The following ABCC11 variants were observed in gnomAD, a reference collection of about 807,000 sequenced individuals.
ABCC11 encodes ATP binding cassette subfamily C member 11.
In ABCC11, 135 loss-of-function variants were observed where a neutral mutation model predicts 149.3. The observed-to-expected ratio is 0.90, with a 90% CI of 0.79 to 1.04. The LOEUF is 1.04. Ranked by LOEUF, ABCC11 falls within the 50% of genes least tolerant of loss-of-function variation. The pLI, the probability that ABCC11 is intolerant of heterozygous loss-of-function variation, is 0.00. For missense variants in ABCC11, 1,680 were observed against 1,722.1 expected, an observed-to-expected ratio of 0.98 and a Z score of 0.43; for synonymous variants, 665 against 671.4, an observed-to-expected ratio of 0.99 and a Z score of 0.15.
intron 5 of ABCC11, among the ~76,000 whole-genome samples, chr16:48,223,273 C>A (rs543515327): frequency 2.0e-5 from 3 of 152,156 alleles, no homozygotes; most frequent in African/African-American, 4.8e-5. Context: ...AGGGTCTGGA[C>A]AGGAGCTCTG....
At chr16:48,168,220 T>C (rs1208077558) in intron 28 of ABCC11, among the ~76,000 whole-genome samples, 1 of 149,182 alleles carries the variant, frequency 6.7e-6, no homozygotes, top group Non-Finnish European at 1.5e-5. Context: ...TACCCAGAGA[T>C]GACAAAAATC....
At chr16:48,213,346 C>T in intron 10 of ABCC11, 97 bp downstream of exon 10, 1 of 1,070,274 alleles carries the variant, frequency 9.3e-7, no homozygotes, top group Non-Finnish European at 1.4e-6. Flanking sequence ...TCGACCTAGG[C>T]CTTGGCCAGG....
intron 26 of ABCC11, among the ~76,000 whole-genome samples, chr16:48,171,596 A>T (rs1427472788): frequency 6.6e-6 from 1 of 152,268 alleles, no homozygotes; most frequent in Non-Finnish European, 1.5e-5. Context: ...TAACCACTTA[A>T]AAGTGTACAA....
chr16:48,185,095 T>C (rs539739066), intron 22 of ABCC11, among the ~76,000 whole-genome samples: 11 of 152,174 alleles, frequency 7.2e-5, no homozygotes, highest in Admixed American at 1.3e-4. Context: ...GGCAGAGCAG[T>C]AAAACCGAGA....
chr16:48,220,728 T>C (rs1444566300), intron 6 of ABCC11, among the ~76,000 whole-genome samples: 2 of 152,230 alleles, frequency 1.3e-5, no homozygotes, highest in South Asian at 2.1e-4. Context: ...ATAACCATAA[T>C]GATTCCAATA....
At position 48,222,542 on chromosome 16, in the gene ABCC11, T is replaced by G. The variant is rs936558407; in HGVS notation, c.777+56A>C. On this transcript the variant is annotated intron_variant, in intron 6 of 29. Coordinates refer to ENST00000356608, the MANE Select transcript of ABCC11 (RefSeq NM_001370497.1). ...CCTCTCTTGGCCCCCAGGGCAGTTA[T>G]GTCCGGAGGAAGGGTAGGGAAGCAT... is the stretch of plus-strand genomic sequence containing the variant. The G allele has an allele frequency of 2.7e-6, 4 of 1,473,132 alleles. No individual in the cohort carries two copies. The South Asian group carries it at 4.6e-5, about 17-fold the overall frequency. 91.3% of individuals were successfully genotyped at this position (1,473,132 alleles called of 1,614,324 possible).
chr16:48,244,379 G>A lies in ABCC11; in HGVS notation c.-19+2935C>T, dbSNP rs755534193. ...CTTTTTGACAGCCCCCAGTGCGAAAGGCTGCCAGCATGTCATCAGTGAGCC... is the reference window on the plus strand; with the variant it reads ...CTTTTTGACAGCCCCCAGTGCGAAAAGCTGCCAGCATGTCATCAGTGAGCC... On this transcript the variant is annotated intron_variant, in intron 1 of 29. Transcript: ENST00000356608. The A allele has an allele frequency of 5.2e-6, 8 of 1,530,460 alleles. No homozygotes were observed. The East Asian group carries it at 1.6e-4, about 30-fold the overall frequency. The allele number at this position is 1,530,460 out of a possible 1,614,324, so 94.8% of individuals were successfully genotyped here. A position where few individuals can be genotyped will look rare whatever the true frequency, so the allele number is the denominator to read the frequency against.
chr16:48,202,702 A>T (rs1052109404), intron 14 of ABCC11, among the ~76,000 whole-genome samples: 1 of 152,134 alleles, frequency 6.6e-6, no homozygotes, highest in Non-Finnish European at 1.5e-5. Context: ...AAGACACTAC[A>T]TTCAAGTCAC....
At chr16:48,217,265 T>G (rs889228303) in intron 6 of ABCC11, among the ~76,000 whole-genome samples, 3 of 152,128 alleles carry the variant, frequency 2.0e-5, no homozygotes, top group Admixed American at 6.5e-5. Flanking sequence ...TTTTTTCTTT[T>G]TTGTTATAGA....
chr16:48,243,529 A>G (rs1971125474), intron 1 of ABCC11, among the ~76,000 whole-genome samples: 1 of 152,210 alleles, frequency 6.6e-6, no homozygotes, highest in African/African-American at 2.4e-5. Context: ...GACCAGATCC[A>G]ATGAAGGACA....
intron 1 of ABCC11, chr16:48,244,742 C>T (rs997864985): frequency 1.9e-4 from 121 of 626,704 alleles, no homozygotes; most frequent in Middle Eastern, 9.4e-4. Flanking sequence ...CGGCTCGGTT[C>T]CGCCTCTCTG....
At chr16:48,239,039 A>G (rs1970829580) in intron 1 of ABCC11, among the ~76,000 whole-genome samples, 1 of 152,006 alleles carries the variant, frequency 6.6e-6, no homozygotes, top group Non-Finnish European at 1.5e-5. Context: ...GAGATGGAAC[A>G]GCTCTTTCTT....
intron 1 of ABCC11, among the ~76,000 whole-genome samples, chr16:48,242,509 C>A (rs1267033671): frequency 1.3e-5 from 2 of 152,196 alleles, no homozygotes; most frequent in African/African-American, 2.4e-5. Flanking sequence ...GGATCTGGAA[C>A]TAGAAATACC....
At position 48,200,721 on chromosome 16, in the gene ABCC11, G is replaced by A. The variant is rs1008847402; in HGVS notation, c.1879-242C>T. ...GTAGAATGATGGACACCAGAGGCTG[G>A]AAAGGATTTTTGGGGGTAGGGAAGG... On this transcript the variant is annotated intron_variant, in intron 14 of 29. Transcript: ENST00000356608. Among the ~76,000 whole-genome samples, 8 of 152,206 alleles carry A rather than the reference G, an allele frequency of 5.3e-5. 1 individual carries two copies. The highest frequency in any genetic ancestry group is 5.2e-4 in the Admixed American group (8 of 15,282).
At chr16:48,172,230 A>G (rs1175064999) in intron 26 of ABCC11, among the ~76,000 whole-genome samples, 1 of 152,036 alleles carries the variant, frequency 6.6e-6, no homozygotes, top group African/African-American at 2.4e-5. Flanking sequence ...ATAATATTCC[A>G]TTGTATGTAT....
chr16:48,216,114 C>T lies in ABCC11; in HGVS notation c.951G>A (p.Ala317=), dbSNP rs201663232. ...AATGGGTGACAGAGAAAGACATTAC[C>T]GCCAGTGGGAAAACCAGGAGATAGC... ...ILCYLLVFPL[A]VFMTRMAVKA... is the part of the protein sequence containing the mutation. The change falls in exon 7 of 30, where the codon GCG becomes GCA. Residue 317 remains alanine (A), a splice_region_variant and synonymous_variant. Coordinates refer to ENST00000356608, the MANE Select transcript of ABCC11 (RefSeq NM_001370497.1). 68 of 1,613,592 alleles carry T rather than the reference C, an allele frequency of 4.2e-5. No individual in the cohort carries two copies. The highest frequency in any genetic ancestry group is 1.1e-4 in the East Asian group (5 of 44,890).
chr16:48,215,008 T>C lies in ABCC11; in HGVS notation c.1121A>G (p.Lys374Arg), dbSNP rs1290186022. Residue 374 changes from lysine (K) to arginine (R), a missense_variant, in exon 9 of 30, where the codon AAA becomes AGA. Transcript: ENST00000356608. ...GACAAGCCCGCACTTCTCCAATAGT[T>C]TCCTTTCCTTCCTTCTTAGGTCTGG... ...IIEDLRRKER[K>R]LLEKCGLVQS... 1.2e-6 allele frequency: 2 copies of C among 1,613,954 alleles called. No individual in the cohort carries two copies. Among genetic ancestry groups the C allele is most frequent in the East Asian group, 4.5e-5 (2 of 44,886 alleles).
chr16:48,177,173 G>C (rs1166735646), intron 24 of ABCC11, 60 bp from the exon 25 acceptor site: 3 of 1,524,806 alleles, frequency 2.0e-6, no homozygotes, highest in Non-Finnish European at 2.7e-6. Context: ...CCCATCCCCT[G>C]CGGGCCTGCC....
intron 1 of ABCC11, among the ~76,000 whole-genome samples, chr16:48,241,088 C>T (rs982696802): frequency 6.6e-6 from 1 of 152,096 alleles, no homozygotes; most frequent in Non-Finnish European, 1.5e-5. Flanking sequence ...GCACGCACCA[C>T]CACACCTGGC....
Sources: allele counts gnomAD v4.1 joint callset (sites outside exome capture counted in the v4.1 genomes callset), GRCh38; gene constraint gnomAD v4.1.1; transcripts MANE v1.5; gene names NCBI Gene and HGNC (gene_info 2026-07-23, HGNC 2026-07-21).